ADGRB3: variants seen among roughly 807,000 people sequenced by gnomAD.
The protein encoded by ADGRB3 is adhesion G protein-coupled receptor B3.
ADGRB3 carries 37 observed loss-of-function variants against 193.4 expected under a neutral mutation model. The ratio of observed to expected loss-of-function variants is 0.19; its 90% CI spans 0.15 to 0.25. ADGRB3 has a LOEUF of 0.25. Among genes scored for constraint, ADGRB3 ranks in the 10% least tolerant of loss-of-function variants. ADGRB3 has a pLI of 1.00. For missense variants in ADGRB3, 1,637 were observed against 1,852.9 expected (o/e 0.88, Z 2.14); for synonymous variants, 690 against 644.2 (o/e 1.07, Z -1.08).
At chr6:69,201,134 C>A (rs902677568) in intron 17 of ADGRB3, among the ~76,000 whole-genome samples, 4 of 152,010 alleles carry the variant, frequency 2.6e-5, no homozygotes, top group Admixed American at 2.0e-4. Context: ...AGATTTTTCT[C>A]CCTCTGAAGA....
intron 20 of ADGRB3, among the ~76,000 whole-genome samples, chr6:69,262,032 A>G (rs1472097004): frequency 6.6e-6 from 1 of 152,042 alleles, no homozygotes; most frequent in Non-Finnish European, 1.5e-5. Flanking sequence ...ATACATACAT[A>G]TGTTTTTGGA....
At chr6:69,044,592 G>A (rs539965993) in intron 13 of ADGRB3, among the ~76,000 whole-genome samples, 1 of 152,146 alleles carries the variant, frequency 6.6e-6, no homozygotes, top group African/African-American at 2.4e-5. Context: ...TTGAAAGTTT[G>A]GCCAATAAAA....
At chr6:69,083,663 G>T (rs905089242) in intron 17 of ADGRB3, among the ~76,000 whole-genome samples, 1 of 151,726 alleles carries the variant, frequency 6.6e-6, no homozygotes, top group Non-Finnish European at 1.5e-5. Flanking sequence ...CTTACTCCAA[G>T]ATTCCACCAT....
At chr6:68,846,136 G>A (rs1257245333) in intron 3 of ADGRB3, among the ~76,000 whole-genome samples, 1 of 152,178 alleles carries the variant, frequency 6.6e-6, no homozygotes, top group Non-Finnish European at 1.5e-5. Context: ...CTGCCCTAGA[G>A]ATCTGTGGAA....
Position 69,195,015 on chromosome 6 carries a change from A to G in ADGRB3, c.2481-38275A>G, listed in dbSNP as rs553984882. Among the ~76,000 whole-genome samples, 3 of 152,252 alleles carry G rather than the reference A, an allele frequency of 2.0e-5. No homozygotes were observed. The East Asian group carries it at 5.8e-4, about 29-fold the overall frequency. ...GGGTGTGTGTTTGTAAAGAAGTTTG[A>G]GTCGGCAGATACTTTGGTCTTGCTA... On this transcript the variant is annotated intron_variant, in intron 17 of 31. Transcript: ENST00000370598.
intron 3 of ADGRB3, among the ~76,000 whole-genome samples, chr6:68,649,242 C>T (rs1223803290): frequency 6.6e-6 from 1 of 152,100 alleles, no homozygotes; most frequent in Admixed American, 6.5e-5. Context: ...ACTATTTAGT[C>T]CAAATCTTAC....
chr6:69,327,030 G>A (rs2127310626), intron 21 of ADGRB3, among the ~76,000 whole-genome samples: 1 of 152,140 alleles, frequency 6.6e-6, no homozygotes, highest in East Asian at 1.9e-4. Context: ...GGAGGTATGT[G>A]AAATGATAGT....
At chr6:68,966,812 G>A (rs1391410442) in intron 8 of ADGRB3, among the ~76,000 whole-genome samples, 1 of 152,188 alleles carries the variant, frequency 6.6e-6, no homozygotes, top group Non-Finnish European at 1.5e-5. Flanking sequence ...GATATGCTGG[G>A]TGCCCAGTAA....
At chr6:69,214,216 C>T (rs1224086201) in intron 17 of ADGRB3, among the ~76,000 whole-genome samples, 1 of 152,056 alleles carries the variant, frequency 6.6e-6, no homozygotes, top group Admixed American at 6.6e-5. Context: ...TTTGAAAACT[C>T]GTTAGTTCCC....
At chr6:69,220,431 A>C (rs1364378098) in intron 17 of ADGRB3, among the ~76,000 whole-genome samples, 1 of 152,162 alleles carries the variant, frequency 6.6e-6, no homozygotes, top group Admixed American at 6.6e-5. Flanking sequence ...TTATGCGTAC[A>C]GTTTCTGTGC....
chr6:69,048,554 G>A (rs1326595531), intron 14 of ADGRB3, among the ~76,000 whole-genome samples: 1 of 151,898 alleles, frequency 6.6e-6, no homozygotes, highest in Non-Finnish European at 1.5e-5. Flanking sequence ...ATATACAAGT[G>A]CAAATTATCG....
At chr6:68,951,021 C>G (rs530357787) in intron 6 of ADGRB3, among the ~76,000 whole-genome samples, 1 of 152,296 alleles carries the variant, frequency 6.6e-6, no homozygotes, top group South Asian at 2.1e-4. Flanking sequence ...CTCTTTCCAC[C>G]TCTCCTTTTC....
chr6:68,738,000 G>T (rs1464652798), intron 3 of ADGRB3, among the ~76,000 whole-genome samples: 1 of 152,126 alleles, frequency 6.6e-6, no homozygotes, highest in East Asian at 1.9e-4. Context: ...AAAGGGAAAG[G>T]TGTTGCTAGG....
At chr6:69,078,741 A>G (rs1433191885) in intron 17 of ADGRB3, among the ~76,000 whole-genome samples, 1 of 151,704 alleles carries the variant, frequency 6.6e-6, no homozygotes, top group African/African-American at 2.4e-5. Flanking sequence ...TCTTTATATA[A>G]CCCCGTTTGA....
chr6:69,021,994 A>G (rs1417478379), intron 13 of ADGRB3, among the ~76,000 whole-genome samples: 1 of 151,938 alleles, frequency 6.6e-6, no homozygotes, highest in East Asian at 1.9e-4. Context: ...GTCTACAAAC[A>G]AAGATTTCAA....
chr6:68,893,988 G>T (rs189531619), intron 3 of ADGRB3, among the ~76,000 whole-genome samples: 343 of 151,656 alleles, frequency 2.3e-3, no homozygotes, highest in African/African-American at 7.9e-3. Flanking sequence ...TCAATAACAT[G>T]GTTTATTTTT....
intron 4 of ADGRB3, among the ~76,000 whole-genome samples, chr6:68,931,879 T>C (rs1420849803): frequency 1.3e-5 from 2 of 152,180 alleles, no homozygotes; most frequent in Non-Finnish European, 2.9e-5. Flanking sequence ...AGATATATAT[T>C]GCAACCAAAT....
chr6:69,346,281 A>T (rs1769086521), intron 26 of ADGRB3, among the ~76,000 whole-genome samples: 1 of 152,202 alleles, frequency 6.6e-6, no homozygotes, highest in African/African-American at 2.4e-5. Context: ...TATAGCCAAG[A>T]CAATCCTAAG....
intron 3 of ADGRB3, among the ~76,000 whole-genome samples, chr6:68,751,959 A>C (rs1766207613): frequency 6.6e-6 from 1 of 152,104 alleles, no homozygotes. Flanking sequence ...ATTTCCTTTA[A>C]TTTTGTATCA....
Sources: allele counts gnomAD v4.1 joint callset (sites outside exome capture counted in the v4.1 genomes callset), GRCh38; gene constraint gnomAD v4.1.1; transcripts MANE v1.5; gene names NCBI Gene and HGNC (gene_info 2026-07-23, HGNC 2026-07-21).